The following RPN2 variants were observed in gnomAD, a reference collection of about 807,000 sequenced individuals.
The protein encoded by RPN2 is ribophorin II, also known as dolichyl-diphosphooligosaccharide--protein glycosyltransferase subunit 2.
RPN2 carries 29 observed loss-of-function variants against 71.4 expected under a neutral mutation model. The ratio of observed to expected loss-of-function variants is 0.41; its 90% confidence interval spans 0.30 to 0.55. RPN2 has a LOEUF of 0.55. RPN2 is among the 20% of genes least tolerant of loss of function. RPN2 has a pLI of 0.35. For missense variants in RPN2, 726 were observed against 774.1 expected (o/e 0.94, Z 0.74); for synonymous variants, 308 against 305.0 (o/e 1.01, Z -0.10).
intron 2 of RPN2, among the ~76,000 whole-genome samples, chr20:37,196,214 C>T (rs757724989): frequency 7.9e-5 from 12 of 151,508 alleles, no homozygotes; most frequent in Admixed American, 2.6e-4. Context: ...TGAGCGCCAC[C>T]GTGCCTAGTC....
chr20:37,203,858 A>C, intron 4 of RPN2, 27 bp from the exon 5 acceptor site: 1 of 1,557,630 alleles, frequency 6.4e-7, no homozygotes, highest in East Asian at 2.2e-5. Flanking sequence ...CTTGCCATTC[A>C]TTGGGGTTCT....
At chr20:37,183,806 A>G (rs2066935966) in intron 1 of RPN2, among the ~76,000 whole-genome samples, 1 of 152,214 alleles carries the variant, frequency 6.6e-6, no homozygotes, top group Non-Finnish European at 1.5e-5. Context: ...TTCTTAGAGG[A>G]CAGAGAAGAA....
At chr20:37,179,536 A>C in intron 1 of RPN2, 167 bp downstream of exon 1, 1 of 1,393,436 alleles carries the variant, frequency 7.2e-7, no homozygotes, top group Non-Finnish European at 9.3e-7. Context: ...GAGGGCTGCG[A>C]GCTGGTGGGA....
Position 37,203,872 on chromosome 20 carries a change from C to G in RPN2, c.480-13C>G. 1.2e-6 allele frequency: 2 copies of G among 1,608,430 alleles called. No individual in the cohort carries two copies. Among genetic ancestry groups the G allele is most frequent in the Non-Finnish European group, 1.7e-6 (2 of 1,174,746 alleles). On this transcript the variant is annotated splice_polypyrimidine_tract_variant and intron_variant, in intron 4 of 16. Coordinates refer to ENST00000237530, the MANE Select transcript of RPN2 (RefSeq NM_002951.5). ...ACTTGCCATTCATTGGGGTTCTACT[C>G]TTTACCTTCCAGAACAGTCCAGGCT...
At chr20:37,199,773 G>T (rs1038342770) in intron 4 of RPN2, among the ~76,000 whole-genome samples, 13 of 152,264 alleles carry the variant, frequency 8.5e-5, no homozygotes, top group Middle Eastern at 3.4e-3. Flanking sequence ...TGTTATAAAT[G>T]GAAATATTGT....
At chr20:37,239,921 A>T (rs1441942486) in intron 16 of RPN2, among the ~76,000 whole-genome samples, 2 of 152,120 alleles carry the variant, frequency 1.3e-5, no homozygotes, top group East Asian at 3.9e-4. Context: ...TCTTTTCTTG[A>T]TTAAAAAGAA....
intron 5 of RPN2, 75 bp downstream of exon 5, chr20:37,204,035 T>C (rs1405772872): frequency 2.0e-6 from 2 of 1,022,360 alleles, no homozygotes; most frequent in Admixed American, 1.8e-5. Context: ...CAGATAGCCA[T>C]GCATGATCTG....
intron 9 of RPN2, among the ~76,000 whole-genome samples, chr20:37,220,179 GTGTT>G (rs1234221809): frequency 6.6e-6 from 1 of 151,684 alleles, no homozygotes; most frequent in African/African-American, 2.4e-5. Context: ...AGAGGTGTGT[GTGTT>G]TGTGTGTGTG....
At chr20:37,204,003 G>T in intron 5 of RPN2, 43 bp downstream of exon 5, 1 of 1,395,810 alleles carries the variant, frequency 7.2e-7, no homozygotes, top group South Asian at 1.2e-5. Flanking sequence ...TCCTGTCTTT[G>T]ACACTCTGCA....
chr20:37,184,055 C>G (rs547959692), intron 1 of RPN2, 125 bp from the exon 2 acceptor site: 24 of 1,146,134 alleles, frequency 2.1e-5, no homozygotes, highest in Admixed American at 3.6e-5. Context: ...TCAGGTTAAA[C>G]CCCTGGATTC....
At chr20:37,195,066 C>T (rs373950408) in intron 2 of RPN2, among the ~76,000 whole-genome samples, 187 of 152,130 alleles carry the variant, frequency 1.2e-3, no homozygotes, top group African/African-American at 4.4e-3. Flanking sequence ...GGGGTATTAG[C>T]ACAGAAAGTT....
intron 11 of RPN2, among the ~76,000 whole-genome samples, chr20:37,227,314 A>G (rs1443380409): frequency 6.6e-6 from 1 of 152,268 alleles, no homozygotes; most frequent in East Asian, 1.9e-4. Flanking sequence ...AAGGAGAGTT[A>G]GTGAGGAAGT....
chr20:37,226,544 A>G (rs2068082935), intron 11 of RPN2, among the ~76,000 whole-genome samples: 1 of 152,184 alleles, frequency 6.6e-6, no homozygotes, highest in Non-Finnish European at 1.5e-5. Flanking sequence ...GTATAAATAA[A>G]TAAGGGAATA....
intron 4 of RPN2, chr20:37,200,531 A>G (rs1411691774): frequency 2.0e-6 from 1 of 510,382 alleles, no homozygotes; most frequent in Non-Finnish European, 3.9e-6. Context: ...AAACAGTGAG[A>G]TTGTTTCCCA....
chr20:37,182,210 C>T (rs1283209846), intron 1 of RPN2, among the ~76,000 whole-genome samples: 5 of 152,102 alleles, frequency 3.3e-5, no homozygotes, highest in African/African-American at 7.2e-5. Context: ...TCTCCTGCCT[C>T]AGCCTCCCAA....
chr20:37,224,018 G>A (rs1389795298), intron 10 of RPN2, 49 bp downstream of exon 10: 4 of 1,509,982 alleles, frequency 2.6e-6, no homozygotes, highest in African/African-American at 1.4e-5. Context: ...CTCAAGAGCT[G>A]AGAGGAGTAT....
chr20:37,223,528 C>G (rs6104132), intron 9 of RPN2, among the ~76,000 whole-genome samples: 7,031 of 152,238 alleles, frequency 0.046, 458 homozygotes, highest in African/African-American at 0.14. Context: ...CATTAGAACC[C>G]AATTCTTGCT....
chr20:37,241,200 T>C, intron 16 of RPN2, 103 bp from the exon 17 acceptor site: 1 of 1,310,836 alleles, frequency 7.6e-7, no homozygotes, highest in Non-Finnish European at 1.1e-6. Context: ...AATGGGATCT[T>C]AGAGCGGGAG....
At chr20:37,236,178 G>A (rs187781337) in intron 15 of RPN2, among the ~76,000 whole-genome samples, 15 of 151,938 alleles carry the variant, frequency 9.9e-5, no homozygotes, top group African/African-American at 2.9e-4. Flanking sequence ...CTGCATCCTT[G>A]ACCTCCCAGG....
Sources: allele counts gnomAD v4.1 joint callset (sites outside exome capture counted in the v4.1 genomes callset), GRCh38; gene constraint gnomAD v4.1.1; transcripts MANE v1.5; gene names NCBI Gene and HGNC (gene_info 2026-07-23, HGNC 2026-07-21).